The following BNIP2 variants were observed in gnomAD, a reference collection of about 807,000 sequenced individuals.
The protein encoded by BNIP2 is BCL2 interacting protein 2.
In BNIP2, 36 loss-of-function variants were observed where a neutral mutation model predicts 43.4. The ratio of observed to expected loss-of-function variants is 0.83; its 90% CI spans 0.64 to 1.10. BNIP2 has a LOEUF of 1.10. Ranked by LOEUF, BNIP2 falls within the 50% of genes least tolerant of loss-of-function variation. The probability of loss-of-function intolerance (pLI) is 0.00; values close to 1 mark genes in which losing one functional copy is unlikely to be tolerated. For synonymous variants in BNIP2, 146 were observed against 121.0 expected (o/e 1.21, Z -1.35); for missense variants, 417 against 374.1 (o/e 1.11, Z -0.95).
In BNIP2 at chr15:59,672,620, G is replaced by GT; in HGVS notation, c.575+16dup. 1 of 1,571,488 alleles carries GT rather than the reference G, an allele frequency of 6.4e-7. No individual in the cohort carries two copies. ...CTCACAATTCTGTCCAAATGTTTTT[G>GT]TTTAATATATACTTACTTAAAAAGA... is the stretch of plus-strand genomic sequence containing the variant. On this transcript the variant is annotated intron_variant, in intron 6 of 9. Coordinates refer to ENST00000607373, the MANE Select transcript of BNIP2 (RefSeq NM_004330.4).
chr15:59,683,988 C>T (rs1233765928), intron 1 of BNIP2, among the ~76,000 whole-genome samples: 1 of 152,162 alleles, frequency 6.6e-6, no homozygotes, highest in African/African-American at 2.4e-5. Context: ...AAAATGTGGT[C>T]ATGTCCTATA....
chr15:59,682,272 A>G, intron 2 of BNIP2, 136 bp downstream of exon 2: 1 of 633,906 alleles, frequency 1.6e-6, no homozygotes. Flanking sequence ...GGTTGCAGTG[A>G]GCTGAGATCG....
intron 5 of BNIP2, among the ~76,000 whole-genome samples, chr15:59,674,360 CAATAA>C (rs1486542911): frequency 6.6e-6 from 1 of 152,040 alleles, no homozygotes; most frequent in Non-Finnish European, 1.5e-5. Context: ...TGTGGTAATG[CAATAA>C]AATAAGGTGG....
rs1287695421 is a variant in BNIP2 at position 59,672,586 on chromosome 15, T to C, written c.575+51A>G. 5 of 1,361,570 alleles carry C rather than the reference T, an allele frequency of 3.7e-6. No individual in the cohort carries two copies. In the African/African-American group the frequency reaches 5.8e-5, roughly 16 times the overall value. The allele number at this position is 1,361,570 out of a possible 1,614,324, so 84.3% of individuals were successfully genotyped here. ...AAGGTTAAGTTTCTTAAGGTGTAGA[T>C]CTAATTAGCTCACAATTCTGTCCAA... On this transcript the variant is annotated intron_variant, in intron 6 of 9. Transcript: ENST00000607373.
intron 9 of BNIP2, chr15:59,668,056 T>C (rs769809681): frequency 1.6e-6 from 2 of 1,218,034 alleles, no homozygotes; most frequent in Non-Finnish European, 1.1e-6. Flanking sequence ...TAGTCTGCAA[T>C]GCAAATGGAC....
At chr15:59,679,270 A>G (rs1893500252) in intron 4 of BNIP2, 1 of 200,238 alleles carries the variant, frequency 5.0e-6, no homozygotes, top group African/African-American at 2.4e-5. Flanking sequence ...GCCTCCTTTC[A>G]GAACTCCCTT....
chr15:59,686,083 T>G (rs1172698843), intron 1 of BNIP2, among the ~76,000 whole-genome samples: 1 of 152,232 alleles, frequency 6.6e-6, no homozygotes, highest in East Asian at 1.9e-4. Context: ...TGCCACTTAC[T>G]TGTTGCAGTC....
chr15:59,682,226 T>C (rs1893726596), intron 2 of BNIP2, among the ~76,000 whole-genome samples, 182 bp downstream of exon 2: 1 of 151,538 alleles, frequency 6.6e-6, no homozygotes, highest in South Asian at 2.1e-4. Flanking sequence ...ACCTGGGAGG[T>C]GGAGGCAGAA....
rs1269350631 is a variant in BNIP2, at chr15:59,689,221, C to G, written c.-144G>C. ...ACGGCCAGGTCGCAAAAAGCAGGGC[C>G]GAGCGGAGCCCGCTCCCCTCGGTCG... On this transcript the variant is annotated 5_prime_UTR_variant, in exon 1 of 10. Coordinates refer to ENST00000607373, the MANE Select transcript of BNIP2 (RefSeq NM_004330.4). 4 of 1,540,868 alleles carry G rather than the reference C, an allele frequency of 2.6e-6. No homozygotes were observed. Among genetic ancestry groups the G allele is most frequent in the Non-Finnish European group, 3.5e-6 (4 of 1,146,348 alleles).
At chr15:59,672,458 G>C (rs1892994351) in intron 6 of BNIP2, among the ~76,000 whole-genome samples, 179 bp downstream of exon 6, 1 of 152,176 alleles carries the variant, frequency 6.6e-6, no homozygotes, top group African/African-American at 2.4e-5. Flanking sequence ...ATTTTGTAGA[G>C]AAAGAGCTTT....
At chr15:59,670,218 C>G (rs908386064) in intron 7 of BNIP2, among the ~76,000 whole-genome samples, 12 of 152,058 alleles carry the variant, frequency 7.9e-5, no homozygotes, top group African/African-American at 2.2e-4. Flanking sequence ...TCGCTTTAGT[C>G]CAGGAGTTCA....
At position 59,660,369 on chromosome 15, in the gene BNIP2, C is replaced by T. The variant is rs1306833804; in HGVS notation, c.*3700G>A. 2 of 152,150 alleles carry T rather than the reference C, an allele frequency of 1.3e-5. No individual in the cohort carries two copies. The highest frequency in any genetic ancestry group is 2.9e-5 in the Non-Finnish European group (2 of 68,022). The allele number at this position is 152,150 out of a possible 1,614,324, so 9.4% of individuals were successfully genotyped here. A position where few individuals can be genotyped will look rare whatever the true frequency, so the allele number is the denominator to read the frequency against. ...GCAATCTCTATTTTCAGCCTATCTC[C>T]TACTCCCATTTGCTTGAGCAAGTTT... On this transcript the variant is annotated 3_prime_UTR_variant, in exon 10 of 10. Transcript: ENST00000607373.
intron 1 of BNIP2, among the ~76,000 whole-genome samples, chr15:59,687,258 A>T (rs1450828684): frequency 6.6e-6 from 1 of 152,232 alleles, no homozygotes; most frequent in African/African-American, 2.4e-5. Context: ...ATAAAACTAT[A>T]ATCGTGGAAT....
chr15:59,661,092 T>G lies in BNIP2; in HGVS notation c.*2977A>C, dbSNP rs1892238246. On this transcript the variant is annotated 3_prime_UTR_variant, in exon 10 of 10. Transcript: ENST00000607373. ...TGGCTCAAGCCTGTAATCCAAGCAT[T>G]TGGGAGGCTGAGACAGGCAGATCAT... 1 of 151,920 alleles carries G rather than the reference T, an allele frequency of 6.6e-6. No individual in the cohort carries two copies. 9.4% of individuals were successfully genotyped at this position (151,920 alleles called of 1,614,324 possible).
At chr15:59,683,335 A>G (rs545995466) in intron 1 of BNIP2, among the ~76,000 whole-genome samples, 3 of 152,368 alleles carry the variant, frequency 2.0e-5, no homozygotes, top group Admixed American at 1.3e-4. Flanking sequence ...CAATGCAACA[A>G]AACAGTGAAA....
At chr15:59,670,712 A>G (rs1405699502) in intron 7 of BNIP2, among the ~76,000 whole-genome samples, 1 of 152,236 alleles carries the variant, frequency 6.6e-6, no homozygotes, top group Non-Finnish European at 1.5e-5. Context: ...CTAAAATGCT[A>G]TCTTTAGAAA....
chr15:59,661,231 G>A lies in BNIP2; in HGVS notation c.*2838C>T, dbSNP rs1308290778. ...TGTAATCCCAGCTACTCAGGAGGCT[G>A]AGGCAGGAGAAATGCTTGAACCCGG... On this transcript the variant is annotated 3_prime_UTR_variant, in exon 10 of 10. Coordinates refer to ENST00000607373, the MANE Select transcript of BNIP2 (RefSeq NM_004330.4). 4.6e-5 allele frequency: 7 copies of A among 150,986 alleles called. No individual in the cohort carries two copies. The highest frequency in any genetic ancestry group is 7.3e-5 in the African/African-American group (3 of 41,004). 9.4% of individuals were successfully genotyped at this position (150,986 alleles called of 1,614,324 possible).
chr15:59,688,407 A>C (rs1894155028), intron 1 of BNIP2: 4 of 224,914 alleles, frequency 1.8e-5, no homozygotes, highest in Non-Finnish European at 3.6e-5. Context: ...GAATGAAAAA[A>C]GCAACACTAA....
rs1466109803 is a variant in BNIP2 at position 59,661,314 on chromosome 15, AGT to A, written c.*2753_*2754del. Reference sequence around the variant, plus strand: ...CACTGCACTCCAGAATGGGTGACAGAGTGAGTCTCTGTCTCCAAAAAAAAAAA... The same window carrying A: ...CACTGCACTCCAGAATGGGTGACAGAGAGTCTCTGTCTCCAAAAAAAAAAA... On this transcript the variant is annotated 3_prime_UTR_variant, in exon 10 of 10. Coordinates refer to ENST00000607373, the MANE Select transcript of BNIP2 (RefSeq NM_004330.4). 1.6e-4 allele frequency: 17 copies of A among 108,280 alleles called. No individual in the cohort carries two copies. The highest frequency in any genetic ancestry group is 2.2e-4 in the Non-Finnish European group (13 of 58,302). The allele number at this position is 108,280 out of a possible 1,614,324, so 6.7% of individuals were successfully genotyped here.
Sources: gnomAD v4.1 joint callset for allele counts (sites outside exome capture counted in the v4.1 genomes callset) on GRCh38, gnomAD v4.1.1 for gene constraint, MANE v1.5 for transcripts, NCBI Gene and HGNC (gene_info 2026-07-23, HGNC 2026-07-21) for gene names.